The following SLC24A3 variants were observed in gnomAD, a reference collection of about 807,000 sequenced individuals.
SLC24A3 encodes the protein sodium/potassium/calcium exchanger 3.
In SLC24A3, 28 loss-of-function variants were observed where a neutral mutation model predicts 75.8. That is an observed-to-expected ratio of 0.37 (90% CI 0.27 to 0.51). SLC24A3 has a LOEUF of 0.51. Among genes scored for constraint, SLC24A3 ranks in the 20% least tolerant of loss-of-function variants. The pLI is 0.94. For synonymous variants in SLC24A3, 372 were observed against 334.1 expected (o/e 1.11, Z -1.24); for missense variants, 663 against 847.8 (o/e 0.78, Z 2.71).
intron 2 of SLC24A3, among the ~76,000 whole-genome samples, chr20:19,457,099 GA>G (rs1453603984): frequency 6.6e-6 from 1 of 152,136 alleles, no homozygotes; most frequent in Non-Finnish European, 1.5e-5. Flanking sequence ...CTGGACCCAA[GA>G]AAAAAATGAA....
intron 1 of SLC24A3, among the ~76,000 whole-genome samples, chr20:19,247,760 AC>A (rs1221999100): frequency 6.6e-6 from 1 of 152,026 alleles, no homozygotes; most frequent in Non-Finnish European, 1.5e-5. Flanking sequence ...ATTAAAAGTT[AC>A]TACACTTAAT....
At chr20:19,689,005 A>G (rs1432144324) in intron 12 of SLC24A3, among the ~76,000 whole-genome samples, 3 of 152,158 alleles carry the variant, frequency 2.0e-5, no homozygotes, top group Non-Finnish European at 4.4e-5. Context: ...CACTTGGTAT[A>G]TGCACATACA....
chr20:19,398,983 G>C (rs1215977488), intron 2 of SLC24A3, among the ~76,000 whole-genome samples: 1 of 152,102 alleles, frequency 6.6e-6, no homozygotes, highest in Non-Finnish European at 1.5e-5. Context: ...GATTTCTTTA[G>C]TAGATGAGGG....
chr20:19,406,012 G>A (rs1273737250), intron 2 of SLC24A3, among the ~76,000 whole-genome samples: 1 of 152,188 alleles, frequency 6.6e-6, no homozygotes, highest in Non-Finnish European at 1.5e-5. Context: ...ATATGATTTT[G>A]AATTGCTTCA....
intron 2 of SLC24A3, among the ~76,000 whole-genome samples, chr20:19,299,248 T>G (rs912188998): frequency 6.7e-6 from 1 of 149,754 alleles, no homozygotes; most frequent in Non-Finnish European, 1.5e-5. Flanking sequence ...GTCCCGGCAC[T>G]CAACCTCAGC....
intron 2 of SLC24A3, among the ~76,000 whole-genome samples, chr20:19,497,106 C>T (rs1166136473): frequency 6.6e-6 from 1 of 152,150 alleles, no homozygotes; most frequent in Non-Finnish European, 1.5e-5. Flanking sequence ...TAAAAAAGGG[C>T]CCTGGGGCAT....
At chr20:19,527,126 C>T (rs1469275029) in intron 3 of SLC24A3, among the ~76,000 whole-genome samples, 1 of 152,112 alleles carries the variant, frequency 6.6e-6, no homozygotes, top group African/African-American at 2.4e-5. Flanking sequence ...AGCTAGAAGT[C>T]ATTTGCCTCC....
intron 3 of SLC24A3, among the ~76,000 whole-genome samples, chr20:19,527,185 G>A (rs1473790999): frequency 6.6e-6 from 1 of 152,120 alleles, no homozygotes; most frequent in Admixed American, 6.5e-5. Context: ...CTTTACACTA[G>A]CACAGATCTC....
chr20:19,592,793 C>CTTTTTTTTTTTTTTTTTTTTTT lies in SLC24A3; in HGVS notation c.612+7252_612+7253insTTTTTTTTTTTTTTTTTTTTTT, dbSNP rs11471623. On this transcript the variant is annotated intron_variant, in intron 6 of 16. Transcript: ENST00000328041. ...TCTTCGGCAAAAATTTTCTTTCTTT[C>CTTTTTTTTTTTTTTTTTTTTTT]TTTCTTTTTTTTTTTTTTTTGAGAT... 1.7e-5 allele frequency among the ~76,000 whole-genome samples: 2 copies of CTTTTTTTTTTTTTTTTTTTTTT among 119,688 alleles called. 1 individual carries two copies. The highest frequency in any genetic ancestry group is 3.4e-5 in the Non-Finnish European group (2 of 58,654). 78.5% of individuals were successfully genotyped at this position (119,688 alleles called of 152,430 possible).
At chr20:19,663,456 T>G (rs865962717) in intron 7 of SLC24A3, among the ~76,000 whole-genome samples, 201 of 11,472 alleles carry the variant, frequency 0.018, 43 homozygotes, top group African/African-American at 0.055. Flanking sequence ...CTCCTCCACT[T>G]CCTCCTCCTC....
intron 1 of SLC24A3, among the ~76,000 whole-genome samples, chr20:19,243,473 C>T (rs1424946055): frequency 6.6e-6 from 1 of 152,208 alleles, no homozygotes; most frequent in Non-Finnish European, 1.5e-5. Flanking sequence ...TGGAAGTTAA[C>T]ATTTTTCCTA....
At chr20:19,425,021 T>G (rs1486371042) in intron 2 of SLC24A3, among the ~76,000 whole-genome samples, 14 of 152,086 alleles carry the variant, frequency 9.2e-5, no homozygotes, top group Non-Finnish European at 1.6e-4. Flanking sequence ...TAAAAATTTT[T>G]GGGCTGGGCA....
intron 1 of SLC24A3, among the ~76,000 whole-genome samples, chr20:19,251,053 C>T (rs1421038621): frequency 6.6e-6 from 1 of 152,232 alleles, no homozygotes; most frequent in Non-Finnish European, 1.5e-5. Flanking sequence ...ACCACTCTTC[C>T]ATTCTGGTAC....
intron 3 of SLC24A3, among the ~76,000 whole-genome samples, chr20:19,565,924 G>A (rs2030950174): frequency 6.6e-6 from 1 of 152,158 alleles, no homozygotes; most frequent in Admixed American, 6.6e-5. Context: ...ACTCATCTGT[G>A]AATCAGAGAT....
At chr20:19,500,295 G>A (rs147653289) in intron 2 of SLC24A3, among the ~76,000 whole-genome samples, 1,633 of 152,272 alleles carry the variant, frequency 0.011, 41 homozygotes, top group African/African-American at 0.037. Context: ...ATACTCGGCC[G>A]CCACCTCGGA....
intron 3 of SLC24A3, among the ~76,000 whole-genome samples, chr20:19,526,165 C>T (rs781709877): frequency 3.9e-5 from 6 of 152,176 alleles, no homozygotes; most frequent in African/African-American, 1.2e-4. Flanking sequence ...GAAGAGCAAG[C>T]GTTTTGACTG....
intron 2 of SLC24A3, among the ~76,000 whole-genome samples, chr20:19,428,285 A>G (rs1022887067): frequency 2.0e-5 from 3 of 152,030 alleles, no homozygotes; most frequent in African/African-American, 7.3e-5. Flanking sequence ...GTACAATTCA[A>G]TCAGTGTGCT....
intron 3 of SLC24A3, among the ~76,000 whole-genome samples, chr20:19,579,290 G>A (rs2031185263): frequency 1.3e-5 from 2 of 152,150 alleles, no homozygotes; most frequent in Non-Finnish European, 2.9e-5. Context: ...CAGTGGAGAG[G>A]CAATTTCTGG....
At chr20:19,659,022 T>G (rs1279524647) in intron 7 of SLC24A3, among the ~76,000 whole-genome samples, 2 of 152,232 alleles carry the variant, frequency 1.3e-5, no homozygotes, top group African/African-American at 4.8e-5. Flanking sequence ...GCAGCTGCTC[T>G]AAAAGAAATA....
Sources: allele counts gnomAD v4.1 joint callset (sites outside exome capture counted in the v4.1 genomes callset), GRCh38; gene constraint gnomAD v4.1.1; transcripts MANE v1.5; gene names NCBI Gene and HGNC (gene_info 2026-07-23, HGNC 2026-07-21).